Variants in DMD observed in about 807,000 individuals in gnomAD.
DMD encodes the protein dystrophin.
DMD carries 63 observed loss-of-function variants against 330.1 expected under a neutral mutation model. The ratio of observed to expected loss-of-function variants is 0.19; its 90% CI spans 0.16 to 0.24. The LOEUF (loss-of-function observed/expected upper bound fraction) is 0.24. Ranked by LOEUF, DMD falls within the 10% of genes least tolerant of loss-of-function variation. The pLI is 1.00. For missense variants in DMD, 3,344 were observed against 2,684.1 expected (o/e 1.25, Z -5.43); for synonymous variants, 1,223 against 959.8 (o/e 1.27, Z -5.07).
At chrX:32,327,111 C>T (rs1419100808) in intron 41 of DMD, among the ~76,000 whole-genome samples, 8 of 108,040 alleles carry the variant, frequency 7.4e-5, no homozygotes, top group African/African-American at 2.7e-4. Context: ...TTCTTTTTCA[C>T]CTTACTCGAG....
intron 56 of DMD, among the ~76,000 whole-genome samples, chrX:31,500,211 G>C (rs1000813509): frequency 1.5e-4 from 17 of 111,656 alleles, no homozygotes; most frequent in Admixed American, 1.4e-3. Context: ...TAAAGCTCTG[G>C]GTCTCAAACT....
chrX:31,373,069 A>G (rs1431141098), intron 60 of DMD, among the ~76,000 whole-genome samples: 1 of 109,467 alleles, frequency 9.1e-6, no homozygotes, highest in African/African-American at 3.3e-5. Context: ...CCCATTCACA[A>G]TTGCTTCAAA....
intron 2 of DMD, among the ~76,000 whole-genome samples, chrX:32,875,655 T>C (rs1451911239): frequency 8.9e-6 from 1 of 112,311 alleles, no homozygotes; most frequent in East Asian, 2.8e-4. Flanking sequence ...ATTGTTACTT[T>C]AAAATTAGTC....
intron 61 of DMD, among the ~76,000 whole-genome samples, chrX:31,329,784 G>A (rs1339092111): frequency 3.7e-5 from 4 of 108,400 alleles, no homozygotes; most frequent in African/African-American, 1.3e-4. Flanking sequence ...CATCCTGGCC[G>A]ATGTGGTGAA....
chrX:32,978,447 A>T (rs1156907938), intron 2 of DMD, among the ~76,000 whole-genome samples: 1 of 112,081 alleles, frequency 8.9e-6, no homozygotes, highest in Non-Finnish European at 1.9e-5. Context: ...GCAAAATAGC[A>T]AGCTCTTTGC....
chrX:31,663,788 A>T (rs967907686), intron 53 of DMD, among the ~76,000 whole-genome samples: 3 of 110,880 alleles, frequency 2.7e-5, no homozygotes, highest in African/African-American at 9.9e-5. Context: ...AAACAACAAC[A>T]ACAACAATAA....
At chrX:31,315,805 T>C (rs769562792) in intron 62 of DMD, among the ~76,000 whole-genome samples, 1 of 112,431 alleles carries the variant, frequency 8.9e-6, no homozygotes, top group South Asian at 3.7e-4. Flanking sequence ...TAAAAATGTA[T>C]CATTGATGAC....
intron 74 of DMD, among the ~76,000 whole-genome samples, chrX:31,156,081 A>G (rs1463755033): frequency 8.9e-6 from 1 of 111,741 alleles, no homozygotes; most frequent in Non-Finnish European, 1.9e-5. Context: ...AACTAGGTGG[A>G]AAAAGACATT....
intron 2 of DMD, among the ~76,000 whole-genome samples, chrX:32,889,293 C>G (rs1302173268): frequency 9.0e-6 from 1 of 111,352 alleles, no homozygotes; most frequent in Admixed American, 9.6e-5. Flanking sequence ...AAACACAGTG[C>G]TCAATGGGTT....
chrX:31,322,965 TC>T (rs769406573), intron 62 of DMD, among the ~76,000 whole-genome samples: 4 of 111,927 alleles, frequency 3.6e-5, no homozygotes, highest in Non-Finnish European at 7.5e-5. Context: ...TCCTCTCTCT[TC>T]CACGTTGACC....
chrX:32,407,848 T>C lies in DMD; in HGVS notation c.4233+3904A>G, dbSNP rs796954218. On this transcript the variant is annotated intron_variant, in intron 30 of 78. Coordinates refer to ENST00000357033, the MANE Select transcript of DMD (RefSeq NM_004006.3). ...GGGACATGGATGAAGCTGGAAACCATCATTCTCAGCAAACTATCGCAAGGA... is the reference window on the plus strand; with the variant it reads ...GGGACATGGATGAAGCTGGAAACCACCATTCTCAGCAAACTATCGCAAGGA... 5.6e-5 allele frequency among the ~76,000 whole-genome samples: 6 copies of C among 107,337 alleles called. 1 individual carries two copies. The South Asian group carries it at 2.1e-3, about 38-fold the overall frequency. The allele number at this position is 107,337 out of a possible 115,157, so 93.2% of individuals were successfully genotyped here. A position where few individuals can be genotyped will look rare whatever the true frequency, so the allele number is the denominator to read the frequency against.
At chrX:32,651,032 G>A (rs1357498046) in intron 9 of DMD, among the ~76,000 whole-genome samples, 3 of 111,940 alleles carry the variant, frequency 2.7e-5, no homozygotes, top group African/African-American at 9.7e-5. Flanking sequence ...AAACCAGGTT[G>A]TTTGGATTCC....
At chrX:31,976,205 G>A (rs1368948313) in intron 44 of DMD, among the ~76,000 whole-genome samples, 2 of 110,857 alleles carry the variant, frequency 1.8e-5, no homozygotes, top group Non-Finnish European at 3.8e-5. Context: ...GGAACCAAGT[G>A]GCATTTGGAA....
chrX:33,310,833 C>T (rs1015245702), intron 1 of DMD, among the ~76,000 whole-genome samples: 1 of 110,903 alleles, frequency 9.0e-6, no homozygotes, highest in African/African-American at 3.3e-5. Flanking sequence ...GTCCCTAAAA[C>T]ATTCTAAAAT....
chrX:31,523,560 G>A (rs1487504701), intron 55 of DMD, among the ~76,000 whole-genome samples: 2 of 112,385 alleles, frequency 1.8e-5, no homozygotes, highest in East Asian at 2.8e-4. Context: ...TGGGTGCAAT[G>A]AGGAAATTCA....
intron 60 of DMD, among the ~76,000 whole-genome samples, chrX:31,349,923 G>A (rs1388238226): frequency 2.7e-5 from 3 of 111,231 alleles, no homozygotes; most frequent in Non-Finnish European, 5.7e-5. Context: ...CAGGTAGCCT[G>A]GTCTCAAACC....
intron 47 of DMD, among the ~76,000 whole-genome samples, chrX:31,900,047 C>T (rs2094401420): frequency 9.0e-6 from 1 of 111,561 alleles, no homozygotes; most frequent in Admixed American, 9.5e-5. Context: ...AAGTTAAGAG[C>T]TGGAAGGACT....
At chrX:32,731,961 T>C (rs994020456) in intron 7 of DMD, among the ~76,000 whole-genome samples, 2 of 111,701 alleles carry the variant, frequency 1.8e-5, no homozygotes, top group African/African-American at 6.5e-5. Context: ...ATCAAATTAC[T>C]CTGAGCTACG....
At chrX:32,569,757 A>T (rs987165229) in intron 15 of DMD, among the ~76,000 whole-genome samples, 2 of 110,912 alleles carry the variant, frequency 1.8e-5, no homozygotes, top group Non-Finnish European at 3.8e-5. Context: ...ATTCCTAAGT[A>T]CTTCTGTAGC....
Sources: allele counts gnomAD v4.1 joint callset (sites outside exome capture counted in the v4.1 genomes callset), GRCh38; gene constraint gnomAD v4.1.1; transcripts MANE v1.5; gene names NCBI Gene and HGNC (gene_info 2026-07-23, HGNC 2026-07-21).